The following SYTL5 variants were observed in gnomAD, a reference collection of about 807,000 sequenced individuals.
The protein encoded by SYTL5 is synaptotagmin-like protein 5.
In SYTL5, 34 loss-of-function variants were observed where a neutral mutation model predicts 55.9. The ratio of observed to expected loss-of-function variants is 0.61; its 90% CI spans 0.46 to 0.81. The LOEUF (loss-of-function observed/expected upper bound fraction) is 0.81. Ranked by LOEUF, SYTL5 falls within the 30% of genes least tolerant of loss-of-function variation. SYTL5 has a pLI of 0.00. For missense variants in SYTL5, 637 were observed against 546.7 expected, an observed-to-expected ratio of 1.17 and a Z score of -1.65; for synonymous variants, 221 against 188.7, an observed-to-expected ratio of 1.17 and a Z score of -1.40.
Position 38,086,120 on chromosome X carries a change from A to T in SYTL5, c.690-3326A>T, listed in dbSNP as rs1449571568. ...TTTTCACTTAAAACCTTCCCCCTAA[A>T]CGACCTCCACCTGGAAACCTTCATT... On this transcript the variant is annotated intron_variant, in intron 6 of 16. Coordinates refer to ENST00000297875, the MANE Select transcript of SYTL5 (RefSeq NM_138780.3). Among the ~76,000 whole-genome samples the T allele has an allele frequency of 2.7e-5, 3 of 111,478 alleles. No individual in the cohort carries two copies. In the Admixed American group the frequency reaches 2.9e-4, roughly 11 times the overall value.
At chrX:38,058,786 TTATC>T (rs1935859962) in intron 3 of SYTL5, among the ~76,000 whole-genome samples, 1 of 111,346 alleles carries the variant, frequency 9.0e-6, no homozygotes, top group Non-Finnish European at 1.9e-5. Flanking sequence ...TTCTTTGTAT[TTATC>T]TATTTTGATG....
intron 3 of SYTL5, among the ~76,000 whole-genome samples, chrX:38,062,369 G>T (rs1332650750): frequency 8.9e-6 from 1 of 112,032 alleles, no homozygotes; most frequent in Non-Finnish European, 1.9e-5. Context: ...GAGAATCTTT[G>T]TCTTTTTAAA....
chrX:37,944,248 C>T, the SYTL5 span, among the ~76,000 whole-genome samples: 11 of 110,800 alleles, frequency 9.9e-5, no homozygotes, highest in East Asian at 2.5e-3. Context: ...AAGTCTATCA[C>T]AGGTCTGGTC....
the SYTL5 span, among the ~76,000 whole-genome samples, chrX:37,941,150 G>T: frequency 1.3e-3 from 140 of 111,793 alleles, no homozygotes; most frequent in Non-Finnish European, 2.3e-3. Flanking sequence ...ATTATTAAAT[G>T]TAAGTGTCAT....
chrX:38,125,535 G>T (rs1428838435), intron 16 of SYTL5, 29 bp downstream of exon 16: 1 of 1,143,031 alleles, frequency 8.7e-7, no homozygotes, highest in Non-Finnish European at 1.2e-6. Context: ...CACAGGGATG[G>T]TCTGTGACTA....
chrX:38,085,577 A>C (rs1330235786), intron 6 of SYTL5, among the ~76,000 whole-genome samples: 1 of 111,916 alleles, frequency 8.9e-6, no homozygotes, highest in East Asian at 2.8e-4. Flanking sequence ...AAATAACTAT[A>C]AGAAGTTAGG....
At chrX:37,889,124 A>G in the SYTL5 span, among the ~76,000 whole-genome samples, 1 of 112,125 alleles carries the variant, frequency 8.9e-6, no homozygotes, top group Non-Finnish European at 1.9e-5. Context: ...ACTGGAAGGC[A>G]GAAGATACTG....
At chrX:38,043,847 G>C (rs1403021111) in intron 2 of SYTL5, among the ~76,000 whole-genome samples, 1 of 107,267 alleles carries the variant, frequency 9.3e-6, no homozygotes, top group East Asian at 2.9e-4. Context: ...TTATTGGCTG[G>C]ATAAGATTTC....
Position 38,077,434 on chromosome X carries a change from G to A in SYTL5, c.689+733G>A, listed in dbSNP as rs967102807. ...GCTTGTGTCTGGGGTAATTTTGCAA[G>A]CCAGATAGTACAAGTAGCAGATTTT... is the stretch of plus-strand genomic sequence containing the variant. On this transcript the variant is annotated intron_variant, in intron 6 of 16. Coordinates refer to ENST00000297875, the MANE Select transcript of SYTL5 (RefSeq NM_138780.3). 6.3e-5 allele frequency among the ~76,000 whole-genome samples: 7 copies of A among 111,319 alleles called. No individual in the cohort carries two copies. In the East Asian group the frequency reaches 2.0e-3, roughly 31 times the overall value.
the SYTL5 span, chrX:37,990,706 G>A: frequency 1.0e-6 from 1 of 956,037 alleles, no homozygotes; most frequent in South Asian, 2.6e-5. Flanking sequence ...TGTCACAAAG[G>A]CAGCTAGCTC....
At chrX:37,977,936 A>G in the SYTL5 span, among the ~76,000 whole-genome samples, 3 of 111,255 alleles carry the variant, frequency 2.7e-5, no homozygotes, top group Non-Finnish European at 3.8e-5. Context: ...GAACACCTAG[A>G]CTTTATTGTT....
intron 2 of SYTL5, among the ~76,000 whole-genome samples, chrX:38,047,648 G>A (rs1031932976): frequency 8.9e-6 from 1 of 112,686 alleles, no homozygotes; most frequent in Non-Finnish European, 1.9e-5. Context: ...CATTACTTAT[G>A]CAAATTTATG....
At chrX:37,952,795 A>C in the SYTL5 span, among the ~76,000 whole-genome samples, 5 of 111,435 alleles carry the variant, frequency 4.5e-5, no homozygotes, top group Non-Finnish European at 9.4e-5. Flanking sequence ...AGAAGTATTC[A>C]AGGCCTGGAC....
At chrX:38,017,664 G>A (rs922558882) in intron 1 of SYTL5, among the ~76,000 whole-genome samples, 2 of 108,230 alleles carry the variant, frequency 1.8e-5, no homozygotes, top group East Asian at 5.9e-4. Flanking sequence ...GTTTATTTCT[G>A]TAACCGGCTA....
At chrX:38,002,984 G>A (rs1312247515), upstream of SYTL5, among the ~76,000 whole-genome samples, 15 of 111,266 alleles carry the variant, frequency 1.3e-4, no homozygotes, top group African/African-American at 4.9e-4. Flanking sequence ...TTTCTTCTAG[G>A]GTTTTTATGG....
intron 3 of SYTL5, among the ~76,000 whole-genome samples, chrX:38,066,802 A>G (rs1294623788): frequency 1.8e-5 from 2 of 111,945 alleles, no homozygotes; most frequent in African/African-American, 6.5e-5. Flanking sequence ...CCAAGTATAA[A>G]GCATGTGGGA....
At chrX:37,977,565 AGT>A in the SYTL5 span, among the ~76,000 whole-genome samples, 2 of 109,669 alleles carry the variant, frequency 1.8e-5, no homozygotes, top group Non-Finnish European at 3.8e-5. Context: ...AATGGTGAAG[AGT>A]CATATGAGAT....
chrX:38,004,997 T>A (rs1008256661), upstream of SYTL5, among the ~76,000 whole-genome samples: 3 of 111,599 alleles, frequency 2.7e-5, no homozygotes, highest in Non-Finnish European at 3.8e-5. Context: ...TGATGTGATC[T>A]TTATATATTG....
In SYTL5 at chrX:38,122,200, A is replaced by G; in HGVS notation, c.1826A>G (p.Asp609Gly). The G allele has an allele frequency of 1.7e-6, 2 of 1,208,571 alleles. No individual in the cohort carries two copies. The highest frequency in any genetic ancestry group is 2.2e-6 in the Non-Finnish European group (2 of 893,635). ...LTAVKSGGTS[D>G]SFVKGYLLPD... ...GCAGTGAAGTCAGGAGGCACTTCTG[A>G]TAGCTTTGTGAAGGGGTAACTTTGT... Residue 609 changes from aspartate to glycine, a missense_variant, in exon 15 of 17, where the codon GAT becomes GGT. Asp to Gly is a moderately conservative substitution (Grantham distance 94). Coordinates refer to ENST00000297875, the MANE Select transcript of SYTL5 (RefSeq NM_138780.3).
Sources: gnomAD v4.1 joint callset for allele counts (sites outside exome capture counted in the v4.1 genomes callset) on GRCh38, gnomAD v4.1.1 for gene constraint, MANE v1.5 for transcripts, NCBI Gene and HGNC (gene_info 2026-07-23, HGNC 2026-07-21) for gene names.